The following WDR27 variants were observed in gnomAD, a reference collection of about 807,000 sequenced individuals.
WDR27 encodes the protein WD repeat domain 27.
WDR27 carries 100 observed loss-of-function variants against 114.4 expected under a neutral mutation model. The observed-to-expected ratio is 0.87, with a 90% CI of 0.74 to 1.03. The LOEUF is 1.03. Ranked by LOEUF, WDR27 falls within the 50% of genes least tolerant of loss-of-function variation. WDR27 has a pLI of 0.00. For synonymous variants in WDR27, 449 were observed against 423.1 expected (o/e 1.06, Z -0.75); for missense variants, 1,129 against 1,092.9 (o/e 1.03, Z -0.47).
At chr6:169,643,188 G>C (rs1289048638) in intron 17 of WDR27, among the ~76,000 whole-genome samples, 1 of 152,104 alleles carries the variant, frequency 6.6e-6, no homozygotes. Context: ...TCCTAATGAA[G>C]AGCTGGCAGG....
intron 23 of WDR27, among the ~76,000 whole-genome samples, chr6:169,593,844 G>C (rs1393570879): frequency 6.9e-6 from 1 of 144,608 alleles, no homozygotes. Flanking sequence ...GCAAGACTCT[G>C]TCTCAAAAAA....
intron 25 of WDR27, among the ~76,000 whole-genome samples, chr6:169,474,751 T>C (rs1241966017): frequency 1.3e-5 from 2 of 152,082 alleles, no homozygotes; most frequent in Non-Finnish European, 2.9e-5. Context: ...AAATAAATCA[T>C]TATTAAGGAA....
At chr6:169,476,438 C>A (rs897092938) in intron 25 of WDR27, among the ~76,000 whole-genome samples, 1 of 152,220 alleles carries the variant, frequency 6.6e-6, no homozygotes, top group African/African-American at 2.4e-5. Context: ...CCTTTCAACC[C>A]CACATTCTCA....
At chr6:169,553,940 A>G (rs79670745) in intron 25 of WDR27, among the ~76,000 whole-genome samples, 3,142 of 152,320 alleles carry the variant, frequency 0.021, 69 homozygotes, top group East Asian at 0.081. Flanking sequence ...GGTCTATGAC[A>G]TCTTACAATT....
intron 25 of WDR27, among the ~76,000 whole-genome samples, chr6:169,509,977 A>T (rs1792586429): frequency 6.6e-6 from 1 of 152,260 alleles, no homozygotes; most frequent in Admixed American, 6.5e-5. Flanking sequence ...AAAGGATATG[A>T]ACAGATACTT....
intron 23 of WDR27, among the ~76,000 whole-genome samples, chr6:169,588,648 A>T (rs2128150364): frequency 6.6e-6 from 1 of 152,340 alleles, no homozygotes; most frequent in African/African-American, 2.4e-5. Flanking sequence ...TTTGAAAAGT[A>T]TTCCCGTGCA....
At chr6:169,514,984 G>T (rs2128055475) in intron 25 of WDR27, among the ~76,000 whole-genome samples, 1 of 151,862 alleles carries the variant, frequency 6.6e-6, no homozygotes, top group African/African-American at 2.4e-5. Context: ...TTGGAAACAA[G>T]ATCTCACCAC....
At chr6:169,665,924 T>C (rs577958442) in intron 6 of WDR27, among the ~76,000 whole-genome samples, 1 of 152,288 alleles carries the variant, frequency 6.6e-6, no homozygotes, top group Non-Finnish European at 1.5e-5. Context: ...TGCCGTTTAA[T>C]CGACGTTGCA....
chr6:169,482,846 T>C (rs535089216), intron 25 of WDR27, among the ~76,000 whole-genome samples: 2 of 152,136 alleles, frequency 1.3e-5, no homozygotes, highest in Non-Finnish European at 2.9e-5. Flanking sequence ...TCTCTGACCA[T>C]GGCTCAATAA....
intron 25 of WDR27, among the ~76,000 whole-genome samples, chr6:169,457,900 A>T (rs1784453003): frequency 6.6e-6 from 1 of 151,646 alleles, no homozygotes; most frequent in Admixed American, 6.6e-5. Context: ...AAGGGCATGG[A>T]ACATCCTGGT....
At chr6:169,484,297 T>C (rs1420618707) in intron 25 of WDR27, among the ~76,000 whole-genome samples, 1 of 152,166 alleles carries the variant, frequency 6.6e-6, no homozygotes, top group Non-Finnish European at 1.5e-5. Flanking sequence ...GCCCAAAAGC[T>C]CCTTGATCTG....
At chr6:169,513,687 T>C (rs1793222676) in intron 25 of WDR27, among the ~76,000 whole-genome samples, 1 of 151,538 alleles carries the variant, frequency 6.6e-6, no homozygotes, top group African/African-American at 2.4e-5. Context: ...AAACAATGTG[T>C]TTATTTATAA....
At chr6:169,515,303 CT>C (rs972463557) in intron 25 of WDR27, among the ~76,000 whole-genome samples, 3 of 152,070 alleles carry the variant, frequency 2.0e-5, no homozygotes, top group African/African-American at 7.2e-5. Context: ...CTACTGTGTG[CT>C]ATTCGTAGCA....
intron 25 of WDR27, among the ~76,000 whole-genome samples, chr6:169,488,621 TTC>T (rs1789270283): frequency 1.3e-5 from 2 of 152,344 alleles, no homozygotes; most frequent in African/African-American, 4.8e-5. Context: ...TACTTCTGCA[TTC>T]TGTTTGTTTT....
At chr6:169,525,629 A>G (rs920509426) in intron 25 of WDR27, among the ~76,000 whole-genome samples, 1 of 152,160 alleles carries the variant, frequency 6.6e-6, no homozygotes, top group Non-Finnish European at 1.5e-5. Flanking sequence ...GAGGAACCCT[A>G]ATACACTGTT....
At chr6:169,620,869 T>C (rs1812960857) in intron 21 of WDR27, among the ~76,000 whole-genome samples, 1 of 152,146 alleles carries the variant, frequency 6.6e-6, no homozygotes, top group Non-Finnish European at 1.5e-5. Context: ...GACATAGACA[T>C]AGACCTGCTC....
chr6:169,500,789 G>GTAGAAGTGAAAGGCTTCA (rs1791087338), intron 25 of WDR27, among the ~76,000 whole-genome samples: 1 of 152,184 alleles, frequency 6.6e-6, no homozygotes, highest in Non-Finnish European at 1.5e-5. Flanking sequence ...ACTCACTGAG[G>GTAGAAGTGAAAGGCTTCA]GGCTCGGAAA....
chr6:169,499,982 T>C (rs1790927135), intron 25 of WDR27, among the ~76,000 whole-genome samples: 1 of 152,148 alleles, frequency 6.6e-6, no homozygotes, highest in Non-Finnish European at 1.5e-5. Context: ...CACGGTTCCT[T>C]CCCCCAGCTG....
Position 169,633,975 on chromosome 6 carries a change from C to T in WDR27, c.2101+453G>A, listed in dbSNP as rs938417853. On this transcript the variant is annotated intron_variant, in intron 20 of 25. Coordinates refer to ENST00000448612, the MANE Select transcript of WDR27 (RefSeq NM_182552.5). ...AATTCCTAAAGATCTGGAGCTTTTC[C>T]CCTAAATAAATTAAAATCAACTTTG... 2.6e-4 allele frequency among the ~76,000 whole-genome samples: 40 copies of T among 152,140 alleles called. 1 individual carries two copies. The highest frequency in any genetic ancestry group is 2.6e-3 in the Admixed American group (39 of 15,280).
Sources: allele counts gnomAD v4.1 joint callset (sites outside exome capture counted in the v4.1 genomes callset), GRCh38; gene constraint gnomAD v4.1.1; transcripts MANE v1.5; gene names NCBI Gene and HGNC (gene_info 2026-07-23, HGNC 2026-07-21).